GALNT13: variants seen among roughly 807,000 people sequenced by gnomAD.
GALNT13 encodes the protein UDP-GalNAc:polypeptide N-acetylgalactosaminyltransferase 13.
A neutral mutation model predicts 64.2 loss-of-function variants in GALNT13; 28 were observed. The ratio of observed to expected loss-of-function variants is 0.44; its 90% CI spans 0.32 to 0.60. GALNT13 has a LOEUF of 0.60. Among genes scored for constraint, GALNT13 ranks in the 20% least tolerant of loss-of-function variants. GALNT13 has a pLI of 0.05. For missense variants in GALNT13, 577 were observed against 669.8 expected, an observed-to-expected ratio of 0.86 and a Z score of 1.53; for synonymous variants, 214 against 224.6, an observed-to-expected ratio of 0.95 and a Z score of 0.42.
intron 4 of GALNT13, among the ~76,000 whole-genome samples, chr2:154,165,446 C>T (rs1044337742): frequency 1.7e-4 from 26 of 152,092 alleles, no homozygotes; most frequent in Middle Eastern, 3.4e-3. Context: ...TACATGCTTA[C>T]GCTTACAGCC....
At chr2:153,245,545 G>C in the GALNT13 span, among the ~76,000 whole-genome samples, 1 of 152,054 alleles carries the variant, frequency 6.6e-6, no homozygotes, top group Non-Finnish European at 1.5e-5. Flanking sequence ...GAAGAAAAGG[G>C]GCCTGACTGT....
intron 3 of GALNT13, among the ~76,000 whole-genome samples, chr2:154,055,149 ATTGT>A (rs1207283979): frequency 1.3e-5 from 2 of 151,996 alleles, no homozygotes; most frequent in Non-Finnish European, 2.9e-5. Flanking sequence ...TTGTCCTATC[ATTGT>A]TATTTTGCTA....
At chr2:153,464,718 A>G in the GALNT13 span, among the ~76,000 whole-genome samples, 1 of 152,204 alleles carries the variant, frequency 6.6e-6, no homozygotes, top group East Asian at 1.9e-4. Flanking sequence ...ATTTTTGATA[A>G]TAAGTTATGT....
chr2:154,276,230 C>CT (rs977123493), intron 8 of GALNT13, among the ~76,000 whole-genome samples: 135 of 150,318 alleles, frequency 9.0e-4, no homozygotes, highest in Admixed American at 2.9e-3. Context: ...TTTGTTTTCT[C>CT]TTTTTTTTTG....
At chr2:153,083,805 T>G in the GALNT13 span, among the ~76,000 whole-genome samples, 2 of 152,252 alleles carry the variant, frequency 1.3e-5, no homozygotes, top group Admixed American at 6.5e-5. Context: ...TCATGAAATC[T>G]TTGCCTAAGC....
chr2:153,735,573 A>G, the GALNT13 span, among the ~76,000 whole-genome samples: 1 of 152,208 alleles, frequency 6.6e-6, no homozygotes. Flanking sequence ...GATCTTGCTC[A>G]GGCTTCCCCA....
the GALNT13 span, among the ~76,000 whole-genome samples, chr2:153,740,209 G>A: frequency 6.6e-6 from 1 of 151,728 alleles, no homozygotes; most frequent in African/African-American, 2.4e-5. Flanking sequence ...CTTCTACTGG[G>A]ACTCTGATTA....
At chr2:153,447,928 C>T in the GALNT13 span, among the ~76,000 whole-genome samples, 1 of 152,096 alleles carries the variant, frequency 6.6e-6, no homozygotes, top group Non-Finnish European at 1.5e-5. Flanking sequence ...CTTAAAGGGC[C>T]ATTGTATTTC....
chr2:153,601,836 A>T, the GALNT13 span, among the ~76,000 whole-genome samples: 2 of 151,930 alleles, frequency 1.3e-5, no homozygotes, highest in African/African-American at 4.8e-5. Context: ...AAATTCAAAG[A>T]TAATATATAC....
At chr2:154,350,967 G>C (rs1439209542) in intron 9 of GALNT13, among the ~76,000 whole-genome samples, 1 of 152,172 alleles carries the variant, frequency 6.6e-6, no homozygotes, top group African/African-American at 2.4e-5. Context: ...ACAGTAAACA[G>C]TTTGATGTTG....
intron 10 of GALNT13, among the ~76,000 whole-genome samples, chr2:154,397,647 GA>G (rs1209165183): frequency 4.0e-5 from 6 of 151,832 alleles, no homozygotes; most frequent in Non-Finnish European, 7.4e-5. Context: ...AAAAATGAAA[GA>G]AAAAAATACT....
At chr2:153,293,799 G>C in the GALNT13 span, among the ~76,000 whole-genome samples, 1 of 151,422 alleles carries the variant, frequency 6.6e-6, no homozygotes, top group South Asian at 2.1e-4. Flanking sequence ...GTGTCTGTGT[G>C]TGTGTGTGTG....
the GALNT13 span, among the ~76,000 whole-genome samples, chr2:153,510,083 A>T: frequency 1.3e-5 from 2 of 152,252 alleles, no homozygotes; most frequent in Non-Finnish European, 2.9e-5. Context: ...TAGGAAAGAA[A>T]CAGAGTATCT....
At chr2:154,333,796 A>G (rs1320610158) in intron 9 of GALNT13, among the ~76,000 whole-genome samples, 1 of 143,978 alleles carries the variant, frequency 6.9e-6, no homozygotes, top group Non-Finnish European at 1.5e-5. Context: ...AATGATGACT[A>G]TTTCTCCCTG....
the GALNT13 span, among the ~76,000 whole-genome samples, chr2:153,125,351 G>C: frequency 6.8e-6 from 1 of 147,070 alleles, no homozygotes; most frequent in African/African-American, 2.5e-5. Flanking sequence ...TTTTAATGTA[G>C]TAACCATTAC....
chr2:153,913,062 G>C (rs1446048091), intron 2 of GALNT13, among the ~76,000 whole-genome samples: 2 of 152,170 alleles, frequency 1.3e-5, no homozygotes, highest in African/African-American at 4.8e-5. Flanking sequence ...GCCAGTGTTG[G>C]TGTTAGCATG....
In GALNT13 at chr2:154,158,377, T is replaced by A. The variant is rs535587514; in HGVS notation, c.311+17872T>A. 2.6e-5 allele frequency among the ~76,000 whole-genome samples: 4 copies of A among 152,310 alleles called. No individual in the cohort carries two copies. The East Asian group carries it at 7.7e-4, about 29-fold the overall frequency. On this transcript the variant is annotated intron_variant, in intron 4 of 12. Transcript: ENST00000392825. The stretch of plus-strand genomic sequence containing the variant: ...TCATCATCTCATTAAAAATATTAAC[T>A]CTTATCATCATCTTCCCTGCTACTA...
chr2:153,636,906 G>C, the GALNT13 span, among the ~76,000 whole-genome samples: 4 of 152,056 alleles, frequency 2.6e-5, no homozygotes, highest in South Asian at 8.3e-4. Flanking sequence ...CTTGATACAT[G>C]TCTTTAAGTA....
chr2:153,125,350 A>G, the GALNT13 span, among the ~76,000 whole-genome samples: 1 of 147,552 alleles, frequency 6.8e-6, no homozygotes, highest in Non-Finnish European at 1.5e-5. Context: ...GTTTTAATGT[A>G]GTAACCATTA....
Sources: gnomAD v4.1 joint callset for allele counts (sites outside exome capture counted in the v4.1 genomes callset) on GRCh38, gnomAD v4.1.1 for gene constraint, MANE v1.5 for transcripts, NCBI Gene and HGNC (gene_info 2026-07-23, HGNC 2026-07-21) for gene names.